VPS37A: variants seen among roughly 807,000 people sequenced by gnomAD.
VPS37A encodes vacuolar protein sorting-associated protein 37A.
Under a neutral mutation model 49.8 loss-of-function variants are expected in VPS37A, and 30 were observed. The ratio of observed to expected loss-of-function variants is 0.60; its 90% CI spans 0.45 to 0.82. The LOEUF (loss-of-function observed/expected upper bound fraction) is 0.82. VPS37A is among the 40% of genes least tolerant of loss of function. The pLI is 0.00. For missense variants in VPS37A, 593 were observed against 464.4 expected, an observed-to-expected ratio of 1.28 and a Z score of -2.55; for synonymous variants, 195 against 160.6, an observed-to-expected ratio of 1.21 and a Z score of -1.62.
At chr8:17,272,129 T>G (rs1814053628) in intron 4 of VPS37A, 1 of 455,744 alleles carries the variant, frequency 2.2e-6, no homozygotes, top group African/African-American at 2.0e-5. Context: ...TAATAAAAAG[T>G]TCTCCTTCCG....
chr8:17,310,404 G>A, the VPS37A span, among the ~76,000 whole-genome samples: 1 of 152,174 alleles, frequency 6.6e-6, no homozygotes, highest in East Asian at 1.9e-4. Context: ...ATATGAACTA[G>A]TGGAAGTCTG....
the VPS37A span, chr8:17,311,774 G>T: frequency 2.9e-6 from 4 of 1,363,980 alleles, no homozygotes; most frequent in Non-Finnish European, 4.0e-6. Flanking sequence ...TCTGTTTAGG[G>T]CCCCCCCTAA....
downstream of VPS37A, chr8:17,305,722 TA>T (rs1817405274): frequency 6.5e-6 from 10 of 1,544,702 alleles, no homozygotes; most frequent in East Asian, 2.3e-5. Context: ...AATCTTTAAA[TA>T]AAAGTTAAAC....
chr8:17,259,792 T>G (rs1812807445), intron 1 of VPS37A, among the ~76,000 whole-genome samples: 1 of 152,156 alleles, frequency 6.6e-6, no homozygotes, highest in South Asian at 2.1e-4. Flanking sequence ...TATATCTGCT[T>G]GCTGAATTGA....
chr8:17,257,489 C>T (rs1291307688), intron 1 of VPS37A, among the ~76,000 whole-genome samples: 2 of 152,014 alleles, frequency 1.3e-5, no homozygotes, highest in Non-Finnish European at 2.9e-5. Context: ...CGGGGCCTGT[C>T]AGGGGGCGTT....
intron 11 of VPS37A, among the ~76,000 whole-genome samples, chr8:17,294,407 G>A (rs988634581): frequency 6.6e-6 from 1 of 152,164 alleles, no homozygotes; most frequent in Non-Finnish European, 1.5e-5. Context: ...GGTGGGATCC[G>A]CTGAGCAAGA....
intron 5 of VPS37A, 138 bp downstream of exon 5, chr8:17,275,096 A>C (rs960997499): frequency 6.5e-6 from 5 of 772,646 alleles, no homozygotes; most frequent in Non-Finnish European, 1.0e-5. Context: ...TTTCAATTCA[A>C]GTAACAGGTA....
chr8:17,279,928 A>T lies in VPS37A; in HGVS notation c.714-100A>T, dbSNP rs769656885. 20 of 1,481,650 alleles carry T rather than the reference A, an allele frequency of 1.3e-5. No homozygotes were observed. The African/African-American group carries it at 2.6e-4, about 19-fold the overall frequency. 91.8% of individuals were successfully genotyped at this position (1,481,650 alleles called of 1,614,324 possible). Reference sequence around the variant, plus strand: ...AGGTGTATATGTAAAAATTATTTAGAACCCTATCAGTTAACTAAAGCTGAA... The same window carrying T: ...AGGTGTATATGTAAAAATTATTTAGTACCCTATCAGTTAACTAAAGCTGAA... On this transcript the variant is annotated intron_variant, in intron 6 of 11. Transcript: ENST00000324849.
At chr8:17,286,662 T>A (rs1327209457) in intron 11 of VPS37A, 1 of 420,094 alleles carries the variant, frequency 2.4e-6, no homozygotes, top group Non-Finnish European at 4.2e-6. Flanking sequence ...TTTTTAACAT[T>A]AGCTGCTAAT....
Position 17,296,710 on chromosome 8 carries a change from T to TATCTA in VPS37A, c.*1725_*1729dup, listed in dbSNP as rs1554502022. 3 of 152,174 alleles carry TATCTA rather than the reference T, an allele frequency of 2.0e-5. No homozygotes were observed. Among genetic ancestry groups the TATCTA allele is most frequent in the Non-Finnish European group, 4.4e-5 (3 of 68,016 alleles). 9.4% of individuals were successfully genotyped at this position (152,174 alleles called of 1,614,324 possible). A position where few individuals can be genotyped will look rare whatever the true frequency, so the allele number is the denominator to read the frequency against. ...CAAAGATAAACATTGTTTAGATGCT[T>TATCTA]ATCTACTTTCCTTTTCACCAGAAAA... On this transcript the variant is annotated 3_prime_UTR_variant, in exon 12 of 12. Coordinates refer to ENST00000324849, the MANE Select transcript of VPS37A (RefSeq NM_152415.3).
rs779110522 is a variant in VPS37A, at chr8:17,275,006, C to A, written c.642+48C>A. ...ATTTTGTGCCACTGAAACATTCATT[C>A]AATCCACACACCTTTATTACATGCC... On this transcript the variant is annotated intron_variant, in intron 5 of 11. Coordinates refer to ENST00000324849, the MANE Select transcript of VPS37A (RefSeq NM_152415.3). The A allele has an allele frequency of 5.9e-6, 9 of 1,520,344 alleles. No individual in the cohort carries two copies. The East Asian group carries it at 1.8e-4, about 31-fold the overall frequency. 94.2% of individuals were successfully genotyped at this position (1,520,344 alleles called of 1,614,324 possible). A position where few individuals can be genotyped will look rare whatever the true frequency, so the allele number is the denominator to read the frequency against.
chr8:17,310,980 G>T, the VPS37A span, among the ~76,000 whole-genome samples: 18 of 152,084 alleles, frequency 1.2e-4, no homozygotes, highest in African/African-American at 3.9e-4. Context: ...AACTCTACAG[G>T]ATATACTCGT....
rs148138249 is a variant in VPS37A, at chr8:17,289,095, C to G, written c.*2668C>G. Among the ~76,000 whole-genome samples the G allele has an allele frequency of 2.9e-4, 44 of 152,236 alleles. 1 individual carries two copies. In the East Asian group the frequency reaches 8.1e-3, roughly 28 times the overall value. On this transcript the variant is annotated intron_variant, in intron 11 of 11. Transcript: ENST00000324849. The stretch of plus-strand genomic sequence containing the variant: ...TGTAAATTTAAGTTCCTTGTAGATT[C>G]TGGATATTAGCCCTTTGTCAGATGG...
intron 1 of VPS37A, among the ~76,000 whole-genome samples, chr8:17,258,755 TTGA>T (rs1327095049): frequency 6.6e-6 from 1 of 152,140 alleles, no homozygotes; most frequent in African/African-American, 2.4e-5. Context: ...CAGCTTTTCT[TTGA>T]TGTGAGACTT....
chr8:17,303,343 A>G (rs1231696441), downstream of VPS37A, among the ~76,000 whole-genome samples: 1 of 152,184 alleles, frequency 6.6e-6, no homozygotes, highest in African/African-American at 2.4e-5. Flanking sequence ...AGATAATTAG[A>G]TTGAAATAAT....
At position 17,297,039 on chromosome 8, in the gene VPS37A, C is replaced by G. The variant is rs1816706982; in HGVS notation, c.*2053C>G. On this transcript the variant is annotated 3_prime_UTR_variant, in exon 12 of 12. Coordinates refer to ENST00000324849, the MANE Select transcript of VPS37A (RefSeq NM_152415.3). ...GTTTTTGCAACAGAGATTAAGTGAC[C>G]ATTTTTTCTAATTTTATGGCTATAT... 1 of 152,034 alleles carries G rather than the reference C, an allele frequency of 6.6e-6. No individual in the cohort carries two copies. The highest frequency in any genetic ancestry group is 2.4e-5 in the African/African-American group (1 of 41,402). The allele number at this position is 152,034 out of a possible 1,614,324, so 9.4% of individuals were successfully genotyped here.
the VPS37A span, chr8:17,311,547 C>G: frequency 6.2e-7 from 1 of 1,614,122 alleles, no homozygotes; most frequent in South Asian, 1.1e-5. Flanking sequence ...GAGGGTCCAG[C>G]AGCAGGCTTG....
At chr8:17,287,792 C>T (rs1164197803) in intron 11 of VPS37A, among the ~76,000 whole-genome samples, 1 of 152,144 alleles carries the variant, frequency 6.6e-6, no homozygotes, top group African/African-American at 2.4e-5. Context: ...CTAGAACATT[C>T]CCTGGAAGAG....
chr8:17,321,618 G>C, the VPS37A span, among the ~76,000 whole-genome samples: 1 of 152,200 alleles, frequency 6.6e-6, no homozygotes, highest in Admixed American at 6.5e-5. Context: ...AAACTGTTGG[G>C]TTTGTTTGGA....
Sources: gnomAD v4.1 joint callset for allele counts (sites outside exome capture counted in the v4.1 genomes callset) on GRCh38, gnomAD v4.1.1 for gene constraint, MANE v1.5 for transcripts, NCBI Gene and HGNC (gene_info 2026-07-23, HGNC 2026-07-21) for gene names.